Variants in FABP6 observed in about 807,000 individuals in gnomAD.
FABP6 encodes the protein gastrotropin.
A neutral mutation model predicts 14.9 loss-of-function variants in FABP6; 13 were observed. That is an observed-to-expected ratio of 0.87 (90% CI 0.57 to 1.39). FABP6 has a LOEUF of 1.39. FABP6 is among the 40% of genes most tolerant of loss of function. The pLI, the probability that FABP6 is intolerant of heterozygous loss-of-function variation, is 0.00. For synonymous variants in FABP6, 75 were observed against 63.6 expected (o/e 1.18, Z -0.85); for missense variants, 161 against 167.2 (o/e 0.96, Z 0.20).
At chr5:160,218,461 C>CTTTT (rs10692189) in intron 3 of FABP6, among the ~76,000 whole-genome samples, 64,594 of 116,120 alleles carry the variant, frequency 0.56, 19,943 homozygotes, top group Non-Finnish European at 0.61. Context: ...TAGTCTTTGA[C>CTTTT]TTTTTTTTTT....
rs111428617 is a variant in FABP6 at position 160,201,819 on chromosome 5, A to G, written c.51+2662A>G. Among the ~76,000 whole-genome samples, 1,451 of 152,258 alleles carry G rather than the reference A, an allele frequency of 9.5e-3. 29 individuals are homozygous for G. The highest frequency in any genetic ancestry group is 0.033 in the African/African-American group (1,376 of 41,536). On this transcript the variant is annotated intron_variant, in intron 2 of 6. Coordinates refer to the FABP6 transcript ENST00000393980. ...TACTCTATCACTCAGGCTGGAATGC[A>G]GTATATGATCATGGATTACTGCAGC...
chr5:160,237,053 C>T (rs867716009), intron 3 of FABP6, among the ~76,000 whole-genome samples: 1 of 152,130 alleles, frequency 6.6e-6, no homozygotes, highest in South Asian at 2.1e-4. Context: ...ACAAAAGTGA[C>T]TATATCCCTC....
At chr5:160,238,120 C>G (rs557751994) in intron 3 of FABP6, among the ~76,000 whole-genome samples, 9 of 152,154 alleles carry the variant, frequency 5.9e-5, no homozygotes, top group African/African-American at 1.9e-4. Context: ...GCATCCCCCC[C>G]GCCTGCCTCT....
chr5:160,193,418 A>C (rs1759441405), intron 1 of FABP6, among the ~76,000 whole-genome samples: 1 of 152,104 alleles, frequency 6.6e-6, no homozygotes, highest in Non-Finnish European at 1.5e-5. Flanking sequence ...CAAGGCTTCC[A>C]CAGTGTGGAA....
At chr5:160,205,605 T>C (rs569313074) in intron 2 of FABP6, among the ~76,000 whole-genome samples, 3 of 152,324 alleles carry the variant, frequency 2.0e-5, no homozygotes, top group South Asian at 4.1e-4. Flanking sequence ...CTGATGGAGA[T>C]TGGTTTACCT....
chr5:160,220,154 A>G (rs1760100987), intron 3 of FABP6, among the ~76,000 whole-genome samples: 1 of 152,218 alleles, frequency 6.6e-6, no homozygotes. Flanking sequence ...ACAGTAGTTC[A>G]AAATAGGCAG....
intron 3 of FABP6, among the ~76,000 whole-genome samples, chr5:160,218,461 CTT>C (rs10692189): frequency 6.9e-5 from 8 of 116,404 alleles, no homozygotes; most frequent in East Asian, 2.4e-4. Context: ...TAGTCTTTGA[CTT>C]TTTTTTTTTT....
chr5:160,219,601 C>T (rs1760089940), intron 3 of FABP6, among the ~76,000 whole-genome samples: 2 of 152,120 alleles, frequency 1.3e-5, no homozygotes. Flanking sequence ...CTGAGTCAGT[C>T]AGCTGAGTGC....
At position 160,201,948 on chromosome 5, in the gene FABP6, G is replaced by C. The variant is rs183771242; in HGVS notation, c.51+2791G>C. Among the ~76,000 whole-genome samples the C allele has an allele frequency of 6.4e-4, 98 of 152,200 alleles. 1 individual carries two copies. The East Asian group carries it at 0.017, about 26-fold the overall frequency. Reference sequence around the variant, plus strand: ...CAGCTAATTTTTGTATTTTTTTGTAGAGATGAGATTTCACCATGTTGCCCA... The same window carrying C: ...CAGCTAATTTTTGTATTTTTTTGTACAGATGAGATTTCACCATGTTGCCCA... On this transcript the variant is annotated intron_variant, in intron 2 of 6. Coordinates refer to the FABP6 transcript ENST00000393980.
chr5:160,221,321 C>A (rs1159899682), intron 3 of FABP6, among the ~76,000 whole-genome samples: 1 of 152,036 alleles, frequency 6.6e-6, no homozygotes, highest in Non-Finnish European at 1.5e-5. Flanking sequence ...ACAATCTCTA[C>A]AGGTTGGACT....
intron 2 of FABP6, chr5:160,199,188 T>C: frequency 6.2e-7 from 1 of 1,613,288 alleles, no homozygotes. Flanking sequence ...ATAAGTCATT[T>C]GAGGCAAATG....
At chr5:160,229,864 T>G in intron 1 of FABP6, among the ~76,000 whole-genome samples, 1 of 116,742 alleles carries the variant, frequency 8.6e-6, no homozygotes, top group East Asian at 2.3e-4. Flanking sequence ...TTATTTTATT[T>G]TATTTTATTT....
chr5:160,212,707 G>C (rs929770310), intron 2 of FABP6, among the ~76,000 whole-genome samples: 1 of 152,132 alleles, frequency 6.6e-6, no homozygotes, highest in Non-Finnish European at 1.5e-5. Flanking sequence ...CTGACCTTGT[G>C]AGCCGCCTGC....
chr5:160,206,682 C>T (rs940998532), intron 2 of FABP6, among the ~76,000 whole-genome samples: 28 of 152,160 alleles, frequency 1.8e-4, no homozygotes, highest in African/African-American at 5.3e-4. Flanking sequence ...TTCCTACCCA[C>T]GTCTAAACAG....
intron 2 of FABP6, among the ~76,000 whole-genome samples, chr5:160,208,837 T>C (rs1203010422): frequency 2.0e-5 from 3 of 150,218 alleles, no homozygotes; most frequent in Non-Finnish European, 4.4e-5. Context: ...AGTGCAGTGG[T>C]GTGATCTCGG....
chr5:160,218,748 A>C (rs6884062), intron 3 of FABP6, among the ~76,000 whole-genome samples: 4,423 of 149,866 alleles, frequency 0.03, 206 homozygotes, highest in African/African-American at 0.1. Context: ...GGCATGAGCC[A>C]CTGCGCCTGG....
intron 2 of FABP6, among the ~76,000 whole-genome samples, chr5:160,199,474 C>T (rs575748642): frequency 2.6e-4 from 40 of 152,274 alleles, no homozygotes; most frequent in African/African-American, 8.4e-4. Context: ...GGCTCACCCC[C>T]TCCTGCGCCA....
chr5:160,208,782 CTTTT>C (rs57422043), intron 2 of FABP6, among the ~76,000 whole-genome samples: 1 of 142,352 alleles, frequency 7.0e-6, no homozygotes, highest in Non-Finnish European at 1.5e-5. Flanking sequence ...TCTTTCTTTT[CTTTT>C]TTTTTTTTTG....
intron 2 of FABP6, among the ~76,000 whole-genome samples, chr5:160,208,832 A>G (rs1759824934): frequency 6.8e-6 from 1 of 146,604 alleles, no homozygotes; most frequent in South Asian, 2.1e-4. Flanking sequence ...GCTGGAGTGC[A>G]GTGGTGTGAT....
Sources: allele counts gnomAD v4.1 joint callset (sites outside exome capture counted in the v4.1 genomes callset), GRCh38; gene constraint gnomAD v4.1.1; transcripts MANE v1.5; gene names NCBI Gene and HGNC (gene_info 2026-07-23, HGNC 2026-07-21).